Variants in ACSM5 observed in about 807,000 individuals in gnomAD.
ACSM5 encodes acyl-coenzyme A synthetase ACSM5, mitochondrial.
Under a neutral mutation model 71.6 loss-of-function variants are expected in ACSM5, and 56 were observed. The ratio of observed to expected loss-of-function variants is 0.78; its 90% CI spans 0.63 to 0.98. The LOEUF (loss-of-function observed/expected upper bound fraction) is 0.98. ACSM5 is among the 50% of genes least tolerant of loss of function. The probability of loss-of-function intolerance (pLI) is 0.00; values close to 1 mark genes in which losing one functional copy is unlikely to be tolerated. For synonymous variants in ACSM5, 285 were observed against 281.5 expected (o/e 1.01, Z -0.12); for missense variants, 723 against 726.0 (o/e 1.00, Z 0.05).
intron 10 of ACSM5, among the ~76,000 whole-genome samples, chr16:20,431,717 G>A (rs1362244504): frequency 2.0e-5 from 3 of 152,050 alleles, no homozygotes; most frequent in East Asian, 1.9e-4. Flanking sequence ...TTCAGAGGCC[G>A]AGGCAGGTGG....
At position 20,437,362 on chromosome 16, in the gene ACSM5, G is replaced by A. The variant is rs759965652; in HGVS notation, c.1531G>A (p.Gly511Arg). The A allele has an allele frequency of 6.2e-7, 1 of 1,611,880 alleles. No individual in the cohort carries two copies. Among genetic ancestry groups the A allele is most frequent in the South Asian group, 1.1e-5 (1 of 91,022 alleles). ...GGTCAGCAGCCCAGACCCCATCAGG[G>A]GAGAGGTAACCAGTGCACCCAAGAA... is the stretch of plus-strand genomic sequence containing the variant. ...AVVSSPDPIR[G>R]EVVKAFIVLT... is the part of the protein sequence containing the mutation. The change falls in exon 12 of 14, where the codon GGA becomes AGA. Residue 511 changes from glycine (G) to arginine (R), a missense_variant. Physicochemically the swap from Gly to Arg is moderately radical, Grantham distance 125. Coordinates refer to ENST00000331849, the MANE Select transcript of ACSM5 (RefSeq NM_017888.3).
At chr16:20,430,755 G>T (rs1365218783) in intron 8 of ACSM5, among the ~76,000 whole-genome samples, 1 of 149,520 alleles carries the variant, frequency 6.7e-6, no homozygotes, top group African/African-American at 2.5e-5. Flanking sequence ...AAACAGGAAA[G>T]GGGAAAGAAA....
chr16:20,440,185 C>T, intron 13 of ACSM5, 159 bp from the exon 14 acceptor site: 5 of 665,612 alleles, frequency 7.5e-6, no homozygotes, highest in Non-Finnish European at 1.3e-5. Flanking sequence ...TGATCCTGTG[C>T]TCCAGGCTCC....
At chr16:20,415,665 AT>A (rs1966854955) in intron 2 of ACSM5, among the ~76,000 whole-genome samples, 1 of 152,200 alleles carries the variant, frequency 6.6e-6, no homozygotes, top group Admixed American at 6.5e-5. Flanking sequence ...AGAAGAGATG[AT>A]TTAGGGCAGA....
At chr16:20,427,911 A>G (rs1162214848) in intron 7 of ACSM5, 44 bp downstream of exon 7, 1 of 1,361,758 alleles carries the variant, frequency 7.3e-7, no homozygotes, top group Non-Finnish European at 1.0e-6. Flanking sequence ...AAGTATGTGA[A>G]TATATAGCAT....
At chr16:20,415,308 T>A (rs755454160) in intron 2 of ACSM5, among the ~76,000 whole-genome samples, 1 of 152,146 alleles carries the variant, frequency 6.6e-6, no homozygotes, top group Non-Finnish European at 1.5e-5. Flanking sequence ...GGTTGGACAA[T>A]CTTTTGCTAG....
At chr16:20,424,177 C>A in intron 6 of ACSM5, 108 bp downstream of exon 6, 1 of 1,405,208 alleles carries the variant, frequency 7.1e-7, no homozygotes, top group Non-Finnish European at 9.5e-7. Flanking sequence ...GAATTTAAGG[C>A]TTCTTTGGTG....
chr16:20,420,029 G>A (rs1966871359), intron 4 of ACSM5, among the ~76,000 whole-genome samples: 1 of 152,210 alleles, frequency 6.6e-6, no homozygotes. Context: ...CTAAAAAGTA[G>A]TCAAGTCAGG....
intron 13 of ACSM5, 139 bp from the exon 14 acceptor site, chr16:20,440,205 G>T: frequency 4.3e-6 from 3 of 693,966 alleles, no homozygotes; most frequent in Admixed American, 2.5e-5. Flanking sequence ...CAGCTGTTTT[G>T]CTTCTGGCCA....
chr16:20,411,639 A>G lies in ACSM5; in HGVS notation c.155A>G (p.Tyr52Cys), dbSNP rs1644489782. ...CTGGGAAGGCAGCTGGTGCCTGAGT[A>G]CTTCAACTTCGCCCATGATGTGCTG... is the stretch of plus-strand genomic sequence containing the variant. ...ISLGRQLVPE[Y>C]FNFAHDVLDV... The change falls in exon 2 of 14, where the codon TAC becomes TGC. Residue 52 changes from tyrosine to cysteine, a missense_variant. Coordinates refer to ENST00000331849, the MANE Select transcript of ACSM5 (RefSeq NM_017888.3). 1.9e-6 allele frequency: 3 copies of G among 1,614,134 alleles called. No homozygotes were observed. Among genetic ancestry groups the G allele is most frequent in the Non-Finnish European group, 1.7e-6 (2 of 1,180,010 alleles).
Position 20,421,379 on chromosome 16 carries a change from C to G in ACSM5, c.745C>G (p.Leu249Val). 6.2e-7 allele frequency: 1 copy of G among 1,600,474 alleles called. No individual in the cohort carries two copies. Among genetic ancestry groups the G allele is most frequent in the East Asian group, 2.3e-5 (1 of 44,024 alleles). ...MVEHSQSSYG[L>V]GFVASGRRWV... ...CGAGCACTCCCAGAGCAGCTACGGA[C>G]TGGGTTTTGTGGCCAGCGGAAGGTA... The change falls in exon 5 of 14, where the codon CTG becomes GTG. Residue 249 changes from leucine to valine, a missense_variant. Leu to Val is a conservative substitution (Grantham distance 32). Coordinates refer to ENST00000331849, the MANE Select transcript of ACSM5 (RefSeq NM_017888.3).
intron 2 of ACSM5, among the ~76,000 whole-genome samples, chr16:20,413,902 A>G (rs992926652): frequency 6.6e-6 from 1 of 152,196 alleles, no homozygotes; most frequent in Non-Finnish European, 1.5e-5. Context: ...CTGTCTAATC[A>G]TAAGATGACT....
chr16:20,429,792 G>A lies in ACSM5; in HGVS notation c.1116G>A (p.Gln372=). 1 of 1,612,658 alleles carries A rather than the reference G, an allele frequency of 6.2e-7. No individual in the cohort carries two copies. Among genetic ancestry groups the A allele is most frequent in the South Asian group, 1.1e-5 (1 of 90,836 alleles). The change falls in exon 8 of 14, where the codon CAG becomes CAA. Residue 372 remains glutamine (Q), a synonymous_variant. Coordinates refer to ENST00000331849, the MANE Select transcript of ACSM5 (RefSeq NM_017888.3). ...TGGAGCTGTACGAAGGCTATGGCCA[G>A]TCTGAAACGGTGAGTGCTGGAGGGG... ...TGVELYEGYG[Q]SETVVICANP...
At chr16:20,438,351 T>TGA (rs71149143) in intron 12 of ACSM5, among the ~76,000 whole-genome samples, 10,418 of 151,404 alleles carry the variant, frequency 0.069, 336 homozygotes, top group East Asian at 0.17. Flanking sequence ...CTGTATCATC[T>TGA]GAGATTCTTG....
chr16:20,424,670 T>C (rs764341819), intron 6 of ACSM5, among the ~76,000 whole-genome samples: 2 of 152,226 alleles, frequency 1.3e-5, no homozygotes, highest in African/African-American at 2.4e-5. Flanking sequence ...GAGTCAGACC[T>C]GGACTCTGAT....
chr16:20,426,363 G>C (rs1045477034), intron 6 of ACSM5, among the ~76,000 whole-genome samples: 30 of 152,276 alleles, frequency 2.0e-4, no homozygotes, highest in Middle Eastern at 3.4e-3. Context: ...TTATCTCACA[G>C]TTTCTGATGG....
intron 6 of ACSM5, among the ~76,000 whole-genome samples, chr16:20,427,366 T>C (rs1488043999): frequency 3.9e-5 from 6 of 152,224 alleles, no homozygotes; most frequent in Non-Finnish European, 7.3e-5. Context: ...AATTTCTCAC[T>C]GGGTGTTTGC....
At chr16:20,438,149 C>A (rs1204491683) in intron 12 of ACSM5, among the ~76,000 whole-genome samples, 1 of 151,820 alleles carries the variant, frequency 6.6e-6, no homozygotes, top group East Asian at 1.9e-4. Flanking sequence ...TTCTGTGGGT[C>A]CCAGAGGAAT....
At chr16:20,439,990 C>T in intron 13 of ACSM5, 71 bp downstream of exon 13, 2 of 1,582,102 alleles carry the variant, frequency 1.3e-6, no homozygotes, top group Non-Finnish European at 8.7e-7. Flanking sequence ...GGCTCCCACT[C>T]AGAGCCAGGC....
Sources: allele counts gnomAD v4.1 joint callset (sites outside exome capture counted in the v4.1 genomes callset), GRCh38; gene constraint gnomAD v4.1.1; transcripts MANE v1.5; gene names NCBI Gene and HGNC (gene_info 2026-07-23, HGNC 2026-07-21).